Variants in CDH11 observed in about 807,000 individuals in gnomAD.
CDH11 encodes cadherin-11.
CDH11 carries 11 observed loss-of-function variants against 67.8 expected under a neutral mutation model. That is an observed-to-expected ratio of 0.16 (90% CI 0.10 to 0.27). CDH11 has a LOEUF of 0.27. Ranked by LOEUF, CDH11 falls within the 10% of genes least tolerant of loss-of-function variation. The pLI, the probability that CDH11 is intolerant of heterozygous loss-of-function variation, is 1.00. For missense variants in CDH11, 847 were observed against 1,031.2 expected, an observed-to-expected ratio of 0.82 and a Z score of 2.45; for synonymous variants, 419 against 400.0, an observed-to-expected ratio of 1.05 and a Z score of -0.57.
At position 64,946,344 on chromosome 16, in the gene CDH11, T is replaced by C. The variant is rs1309150056; in HGVS notation, c.*1259A>G. On this transcript the variant is annotated 3_prime_UTR_variant, in exon 13 of 13. Coordinates refer to ENST00000268603, the MANE Select transcript of CDH11 (RefSeq NM_001797.4). The stretch of plus-strand genomic sequence containing the variant: ...TATATTTTTGACTCTAGTCCCCCAG[T>C]TCCCCAGTGCTCAGTGTGGGGCATA... 14 of 1,036,242 alleles carry C rather than the reference T, an allele frequency of 1.4e-5. No homozygotes were observed. Among genetic ancestry groups the C allele is most frequent in the South Asian group, 4.7e-5 (1 of 21,306 alleles). 64.2% of individuals were successfully genotyped at this position (1,036,242 alleles called of 1,614,324 possible). A position where few individuals can be genotyped will look rare whatever the true frequency, so the allele number is the denominator to read the frequency against.
intron 1 of CDH11, among the ~76,000 whole-genome samples, chr16:65,119,824 A>G (rs2075295484): frequency 6.6e-6 from 1 of 152,244 alleles, no homozygotes; most frequent in Non-Finnish European, 1.5e-5. Context: ...TAAGATGTAA[A>G]GATAATCCTT....
At chr16:65,022,020 C>T (rs1417423529) in intron 2 of CDH11, among the ~76,000 whole-genome samples, 1 of 151,966 alleles carries the variant, frequency 6.6e-6, no homozygotes, top group Non-Finnish European at 1.5e-5. Context: ...TGAATGCAGG[C>T]CTCCATCAAG....
chr16:65,017,515 A>C (rs1248524897), intron 2 of CDH11, among the ~76,000 whole-genome samples: 1 of 152,210 alleles, frequency 6.6e-6, no homozygotes, highest in East Asian at 1.9e-4. Flanking sequence ...AAAGATTAAC[A>C]AGTGCTCAAT....
chr16:65,118,894 G>A (rs1351380144), intron 1 of CDH11: 1 of 152,130 alleles, frequency 6.6e-6, no homozygotes, highest in Non-Finnish European at 1.5e-5. Context: ...CTACATACAT[G>A]TATTGAGAAT....
chr16:65,104,071 A>G (rs1413451645), intron 1 of CDH11, among the ~76,000 whole-genome samples: 1 of 152,190 alleles, frequency 6.6e-6, no homozygotes, highest in Non-Finnish European at 1.5e-5. Flanking sequence ...TACAATTATA[A>G]ACATATAAAA....
chr16:65,062,083 C>T (rs1001778374), intron 1 of CDH11, among the ~76,000 whole-genome samples: 2 of 152,098 alleles, frequency 1.3e-5, no homozygotes, highest in Non-Finnish European at 2.9e-5. Flanking sequence ...AAATAGGGCA[C>T]TAAATTAGGA....
At chr16:65,076,170 C>T (rs1340651142) in intron 1 of CDH11, among the ~76,000 whole-genome samples, 1 of 152,130 alleles carries the variant, frequency 6.6e-6, no homozygotes, top group Non-Finnish European at 1.5e-5. Context: ...CAAATCCTGC[C>T]TCACCACTCC....
intron 2 of CDH11, among the ~76,000 whole-genome samples, chr16:65,025,267 G>A (rs2073509211): frequency 6.6e-6 from 1 of 152,178 alleles, no homozygotes; most frequent in African/African-American, 2.4e-5. Context: ...GCATAATTTG[G>A]GTTACACAGG....
At chr16:65,056,891 TC>T (rs762448328) in intron 1 of CDH11, among the ~76,000 whole-genome samples, 1 of 152,164 alleles carries the variant, frequency 6.6e-6, no homozygotes, top group Non-Finnish European at 1.5e-5. Flanking sequence ...AGAAATCCTT[TC>T]ACCAAAAGCC....
At chr16:65,089,874 G>A (rs2074766040) in intron 1 of CDH11, among the ~76,000 whole-genome samples, 1 of 152,066 alleles carries the variant, frequency 6.6e-6, no homozygotes, top group Non-Finnish European at 1.5e-5. Flanking sequence ...TTTAGCATAT[G>A]CCATTAGAGC....
At chr16:65,058,537 C>T (rs2074185675) in intron 1 of CDH11, among the ~76,000 whole-genome samples, 1 of 152,136 alleles carries the variant, frequency 6.6e-6, no homozygotes, top group African/African-American at 2.4e-5. Context: ...TTGAGCATCA[C>T]ATGTTTCTGA....
chr16:64,959,491 C>T (rs1419627710), intron 11 of CDH11, among the ~76,000 whole-genome samples: 3 of 152,108 alleles, frequency 2.0e-5, no homozygotes, highest in Admixed American at 1.3e-4. Context: ...TCAGTGACCA[C>T]GTGCAACCTT....
intron 1 of CDH11, among the ~76,000 whole-genome samples, chr16:65,055,878 A>G (rs1270017278): frequency 6.6e-6 from 1 of 152,214 alleles, no homozygotes; most frequent in Non-Finnish European, 1.5e-5. Context: ...GGTGGGGCCT[A>G]TGGGAGGTAA....
chr16:65,042,004 C>G (rs547367632), intron 2 of CDH11, among the ~76,000 whole-genome samples: 93 of 152,344 alleles, frequency 6.1e-4, no homozygotes, highest in Middle Eastern at 3.4e-3. Context: ...TGTGGAGGAG[C>G]CCAGGCTCCA....
chr16:65,075,448 T>C (rs923367293), intron 1 of CDH11, among the ~76,000 whole-genome samples: 3 of 152,178 alleles, frequency 2.0e-5, no homozygotes, highest in Admixed American at 6.5e-5. Flanking sequence ...AATAGGCCTC[T>C]TGACTCTCAC....
chr16:65,090,497 T>A (rs17509881), intron 1 of CDH11, among the ~76,000 whole-genome samples: 6,344 of 152,202 alleles, frequency 0.042, 172 homozygotes, highest in South Asian at 0.066. Context: ...AATGTCCCTA[T>A]AAATCAGCCA....
At chr16:64,959,924 T>C (rs1289011427) in intron 11 of CDH11, among the ~76,000 whole-genome samples, 1 of 152,236 alleles carries the variant, frequency 6.6e-6, no homozygotes, top group Non-Finnish European at 1.5e-5. Flanking sequence ...CTATCCTTAC[T>C]AAACCAACAT....
At chr16:65,081,657 C>T (rs977093454) in intron 1 of CDH11, among the ~76,000 whole-genome samples, 1 of 151,354 alleles carries the variant, frequency 6.6e-6, no homozygotes, top group Non-Finnish European at 1.5e-5. Context: ...ATAATGTTAT[C>T]TGTCAGGATC....
intron 11 of CDH11, among the ~76,000 whole-genome samples, chr16:64,953,425 C>G (rs1188272995): frequency 6.6e-6 from 1 of 152,174 alleles, no homozygotes; most frequent in South Asian, 2.1e-4. Context: ...CTGTCCTTCA[C>G]TGCCAACATT....
Sources: allele counts gnomAD v4.1 joint callset (sites outside exome capture counted in the v4.1 genomes callset), GRCh38; gene constraint gnomAD v4.1.1; transcripts MANE v1.5; gene names NCBI Gene and HGNC (gene_info 2026-07-23, HGNC 2026-07-21).